The following SNX8 variants were observed in gnomAD, a reference collection of about 807,000 sequenced individuals.
The protein encoded by SNX8 is sorting nexin-8.
SNX8 carries 25 observed loss-of-function variants against 51.6 expected under a neutral mutation model. The observed-to-expected ratio is 0.48, with a 90% CI of 0.35 to 0.68. The LOEUF is 0.68. Ranked by LOEUF, SNX8 falls within the 30% of genes least tolerant of loss-of-function variation. The probability of loss-of-function intolerance (pLI) is 0.00; values close to 1 mark genes in which losing one functional copy is unlikely to be tolerated. For synonymous variants in SNX8, 324 were observed against 277.0 expected (o/e 1.17, Z -1.68); for missense variants, 695 against 624.0 (o/e 1.11, Z -1.21).
At position 2,298,803 on chromosome 7, in the gene SNX8, T is replaced by C. The variant is rs776704205; in HGVS notation, c.94+15525A>G. On this transcript the variant is annotated intron_variant, in intron 1 of 10. Coordinates refer to ENST00000222990, the MANE Select transcript of SNX8 (RefSeq NM_013321.4). Reference sequence around the variant, plus strand: ...ACCTCCCAGGTTCAAGAGATTCTCATACCTCAGCCTCCCGAGCAGCTGGGA... The same window carrying C: ...ACCTCCCAGGTTCAAGAGATTCTCACACCTCAGCCTCCCGAGCAGCTGGGA... Among the ~76,000 whole-genome samples, 53 of 151,968 alleles carry C rather than the reference T, an allele frequency of 3.5e-4. 1 individual carries two copies. The highest frequency in any genetic ancestry group is 5.7e-4 in the Non-Finnish European group (39 of 68,018).
At chr7:2,318,349 G>A (rs1029897754), upstream of SNX8, among the ~76,000 whole-genome samples, 6 of 150,988 alleles carry the variant, frequency 4.0e-5, no homozygotes, top group Non-Finnish European at 7.4e-5. Flanking sequence ...TCAGGAGTTC[G>A]AGACCAGCCT....
At chr7:2,342,994 C>A (rs947611720) in intron 1 of SNX8, among the ~76,000 whole-genome samples, 1 of 151,698 alleles carries the variant, frequency 6.6e-6, no homozygotes, top group Non-Finnish European at 1.5e-5. Flanking sequence ...GGGGTTTTAC[C>A]GTATTGGTCA....
chr7:2,314,265 C>T (rs1796716531), intron 1 of SNX8, 63 bp downstream of exon 1: 12 of 1,212,324 alleles, frequency 9.9e-6, no homozygotes, highest in South Asian at 4.1e-5. Context: ...GAGCCCCGTC[C>T]GCCGGGGGTG....
chr7:2,306,757 C>A (rs1398439807), intron 1 of SNX8, among the ~76,000 whole-genome samples: 1 of 152,090 alleles, frequency 6.6e-6, no homozygotes, highest in East Asian at 1.9e-4. Context: ...GAAATTTTTG[C>A]GATTGTGGTT....
chr7:2,353,898 C>T (rs113522199), intron 1 of SNX8, among the ~76,000 whole-genome samples: 1,652 of 152,300 alleles, frequency 0.011, 30 homozygotes, highest in African/African-American at 0.038. Flanking sequence ...GCGTGATCCA[C>T]TGGGTTGTTT....
intron 1 of SNX8, among the ~76,000 whole-genome samples, chr7:2,292,020 C>A (rs986046447): frequency 6.6e-6 from 1 of 152,200 alleles, no homozygotes; most frequent in African/African-American, 2.4e-5. Flanking sequence ...TCCCAACACT[C>A]TGGGAGGCCG....
chr7:2,309,927 T>C (rs558747553), intron 1 of SNX8: 3 of 464,832 alleles, frequency 6.5e-6, no homozygotes, highest in Admixed American at 2.5e-5. Context: ...GCAAAGGCCC[T>C]GGACCTGCCT....
intron 1 of SNX8, among the ~76,000 whole-genome samples, chr7:2,348,325 CTTTTCT>C (rs1380936296): frequency 1.4e-5 from 2 of 141,938 alleles, no homozygotes; most frequent in South Asian, 2.2e-4. Context: ...GTATCTTTTT[CTTTTCT>C]TTCTTTCTTT....
At chr7:2,345,142 TAA>T (rs1163302991) in intron 1 of SNX8, among the ~76,000 whole-genome samples, 1 of 152,118 alleles carries the variant, frequency 6.6e-6, no homozygotes, top group East Asian at 1.9e-4. Flanking sequence ...GAGACAAGCA[TAA>T]GAGTCTTCAC....
chr7:2,346,927 A>C (rs1317675865), intron 1 of SNX8, among the ~76,000 whole-genome samples: 1 of 140,082 alleles, frequency 7.1e-6, no homozygotes, highest in Non-Finnish European at 1.5e-5. Context: ...GTCTCAAAAA[A>C]AAAAAAAAAA....
chr7:2,354,236 C>G (rs1358222028), exon 1 of SNX8: 1 of 152,278 alleles, frequency 6.6e-6, no homozygotes, highest in East Asian at 1.9e-4. Context: ...TTGTATCGCG[C>G]CAGGCAGTCG....
At chr7:2,327,691 G>A (rs1458925949) in intron 1 of SNX8, among the ~76,000 whole-genome samples, 4 of 149,932 alleles carry the variant, frequency 2.7e-5, no homozygotes, top group Non-Finnish European at 5.9e-5. Context: ...ACAGGCGTGA[G>A]CCATCGCACC....
At chr7:2,289,275 C>T (rs900596027) in intron 1 of SNX8, among the ~76,000 whole-genome samples, 3 of 152,156 alleles carry the variant, frequency 2.0e-5, no homozygotes, top group South Asian at 2.1e-4. Flanking sequence ...CATTCCAGCA[C>T]GTGGCTCTTG....
intron 1 of SNX8, among the ~76,000 whole-genome samples, chr7:2,303,517 G>A (rs1796463534): frequency 6.6e-6 from 1 of 152,250 alleles, no homozygotes; most frequent in African/African-American, 2.4e-5. Flanking sequence ...TAGAAGGGCG[G>A]GAAAGGTGGG....
chr7:2,329,729 G>C lies in SNX8; in HGVS notation c.-66+24493C>G, dbSNP rs536223098. Among the ~76,000 whole-genome samples the C allele has an allele frequency of 3.9e-5, 6 of 152,282 alleles. No individual in the cohort carries two copies. In the East Asian group the frequency reaches 7.7e-4, roughly 20 times the overall value. Reference sequence around the variant, plus strand: ...GTGGAGCTTCTGGATGCACAACAGAGAAGGTTCCTGGAAAGTGGCACGGGG... The same window carrying C: ...GTGGAGCTTCTGGATGCACAACAGACAAGGTTCCTGGAAAGTGGCACGGGG... On this transcript the variant is annotated intron_variant, in intron 1 of 5. Transcript: ENST00000435336.
At chr7:2,278,327 A>G in intron 1 of SNX8, 22 bp from the exon 2 acceptor site, 1 of 1,420,408 alleles carries the variant, frequency 7.0e-7, no homozygotes, top group Non-Finnish European at 9.7e-7. Context: ...ATGGTGAATG[A>G]CCAGTGAGAA....
intron 1 of SNX8, among the ~76,000 whole-genome samples, chr7:2,292,058 G>T (rs183903686): frequency 1.1e-4 from 17 of 152,332 alleles, no homozygotes; most frequent in Admixed American, 2.6e-4. Flanking sequence ...GAGGTCAGGA[G>T]TTCGACACCA....
intron 1 of SNX8, among the ~76,000 whole-genome samples, chr7:2,312,347 G>A (rs1481847310): frequency 2.0e-5 from 3 of 152,068 alleles, no homozygotes; most frequent in Non-Finnish European, 4.4e-5. Flanking sequence ...CTCCAGCAAT[G>A]CCAAATTGCT....
chr7:2,298,690 GT>G (rs1796326720), intron 1 of SNX8, among the ~76,000 whole-genome samples: 1 of 150,700 alleles, frequency 6.6e-6, no homozygotes, highest in South Asian at 2.1e-4. Context: ...TTTTGTTTTT[GT>G]TTTTTGTTTT....
Sources: allele counts gnomAD v4.1 joint callset (sites outside exome capture counted in the v4.1 genomes callset), GRCh38; gene constraint gnomAD v4.1.1; transcripts MANE v1.5; gene names NCBI Gene and HGNC (gene_info 2026-07-23, HGNC 2026-07-21).